Variants in TXNL1 observed in about 807,000 individuals in gnomAD.
TXNL1 encodes the protein thioredoxin like 1, also known as thioredoxin-like protein 1.
TXNL1 carries 14 observed loss-of-function variants against 35.5 expected under a neutral mutation model. That is an observed-to-expected ratio of 0.39 (90% confidence interval 0.26 to 0.62). TXNL1 has a LOEUF of 0.62. Ranked by LOEUF, TXNL1 falls within the 20% of genes least tolerant of loss-of-function variation. The pLI is 0.47. For missense variants in TXNL1, 263 were observed against 349.7 expected, an observed-to-expected ratio of 0.75 and a Z score of 1.98; for synonymous variants, 110 against 115.5, an observed-to-expected ratio of 0.95 and a Z score of 0.31.
chr18:56,616,110 C>T (rs2024081832), intron 5 of TXNL1, 135 bp downstream of exon 5: 7 of 671,908 alleles, frequency 1.0e-5, no homozygotes, highest in Non-Finnish European at 1.6e-5. Context: ...CCAGCCTGGG[C>T]AATAGCACAA....
chr18:56,605,180 A>G (rs2023870193), intron 7 of TXNL1: 1 of 152,196 alleles, frequency 6.6e-6, no homozygotes, highest in Non-Finnish European at 1.5e-5. Context: ...GATTGAGGAA[A>G]CCTAGGTAAC....
rs746349014 is a variant in TXNL1, at chr18:56,638,450, G to C, written c.-10C>G. On this transcript the variant is annotated 5_prime_UTR_variant, in exon 1 of 8. Transcript: ENST00000217515. Reference sequence around the variant, plus strand: ...GCTTCACCCCCACCATCCTCACAGAGAGCCCGGCAGGGTGGCCGCGACGCC... The same window carrying C: ...GCTTCACCCCCACCATCCTCACAGACAGCCCGGCAGGGTGGCCGCGACGCC... 5 of 1,609,292 alleles carry C rather than the reference G, an allele frequency of 3.1e-6. No individual in the cohort carries two copies. Among genetic ancestry groups the C allele is most frequent in the Non-Finnish European group, 4.2e-6 (5 of 1,176,912 alleles).
chr18:56,618,162 T>G, intron 3 of TXNL1, 36 bp from the exon 4 acceptor site: 1 of 1,599,580 alleles, frequency 6.3e-7, no homozygotes, highest in South Asian at 1.1e-5. Context: ...GCAACATATT[T>G]GGATTAGGTA....
chr18:56,634,491 G>A (rs1165221859), intron 1 of TXNL1, among the ~76,000 whole-genome samples: 1 of 152,158 alleles, frequency 6.6e-6, no homozygotes. Context: ...ACAGACTAAG[G>A]AATATGTAAG....
At position 56,626,463 on chromosome 18, in the gene TXNL1, A is replaced by G; in HGVS notation, c.99-6T>C. 1 of 1,597,004 alleles carries G rather than the reference A, an allele frequency of 6.3e-7. No individual in the cohort carries two copies. Among genetic ancestry groups the G allele is most frequent in the South Asian group, 1.1e-5 (1 of 88,418 alleles). On this transcript the variant is annotated splice_polypyrimidine_tract_variant and splice_region_variant and intron_variant, in intron 1 of 7. Transcript: ENST00000217515. ...TCCTCAAACATGGCCCACACCTGTT[A>G]GAAAAGGAAAATTAAGTAAAATAAC...
At chr18:56,603,587 T>C (rs574239979) in intron 7 of TXNL1, among the ~76,000 whole-genome samples, 4 of 152,114 alleles carry the variant, frequency 2.6e-5, no homozygotes, top group Admixed American at 1.3e-4. Flanking sequence ...AAGAGTACTA[T>C]TAAAAATGAA....
At chr18:56,604,647 A>G (rs1297232619) in intron 7 of TXNL1, among the ~76,000 whole-genome samples, 2 of 152,222 alleles carry the variant, frequency 1.3e-5, no homozygotes, top group African/African-American at 4.8e-5. Flanking sequence ...TTGATCTTCT[A>G]TATTAATATG....
At chr18:56,622,712 C>T (rs547908485) in intron 3 of TXNL1, among the ~76,000 whole-genome samples, 222 of 152,220 alleles carry the variant, frequency 1.5e-3, no homozygotes, top group Non-Finnish European at 2.4e-3. Context: ...AGCTAGGCAA[C>T]AAGACTGCTG....
intron 6 of TXNL1, 33 bp from the exon 7 acceptor site, chr18:56,611,130 A>G (rs1258919274): frequency 2.2e-6 from 3 of 1,338,150 alleles, no homozygotes; most frequent in Admixed American, 1.9e-5. Flanking sequence ...TATAATTACA[A>G]TCCTTCTTCA....
intron 1 of TXNL1, among the ~76,000 whole-genome samples, chr18:56,635,638 C>T (rs1295556040): frequency 6.6e-6 from 1 of 152,094 alleles, no homozygotes; most frequent in Non-Finnish European, 1.5e-5. Context: ...TTAATGGGTA[C>T]AGTTTTGTCC....
intron 6 of TXNL1, among the ~76,000 whole-genome samples, chr18:56,612,048 G>C (rs1247033182): frequency 7.8e-6 from 1 of 127,614 alleles, no homozygotes; most frequent in Non-Finnish European, 1.6e-5. Context: ...TTTAAATTTA[G>C]TAGAGACAGG....
intron 1 of TXNL1, among the ~76,000 whole-genome samples, chr18:56,632,927 A>G (rs2024397480): frequency 6.6e-6 from 1 of 152,186 alleles, no homozygotes; most frequent in African/African-American, 2.4e-5. Context: ...GTACTTCAAT[A>G]AACTTCCTTC....
chr18:56,605,963 A>G (rs1291847114), intron 7 of TXNL1, among the ~76,000 whole-genome samples: 1 of 152,246 alleles, frequency 6.6e-6, no homozygotes, highest in African/African-American at 2.4e-5. Context: ...TGAAAATGCT[A>G]AACATTTGAT....
chr18:56,610,300 G>C (rs537749820), intron 7 of TXNL1: 1 of 152,454 alleles, frequency 6.6e-6, no homozygotes, highest in South Asian at 2.1e-4. Context: ...GTATATTTAA[G>C]AGTGACGCTA....
chr18:56,606,203 C>T (rs1254349998), intron 7 of TXNL1, among the ~76,000 whole-genome samples: 1 of 152,058 alleles, frequency 6.6e-6, no homozygotes, highest in Non-Finnish European at 1.5e-5. Context: ...GGTGAAACCC[C>T]GTCTCTACTA....
chr18:56,629,784 T>C (rs1277876802), intron 1 of TXNL1, among the ~76,000 whole-genome samples: 1 of 152,130 alleles, frequency 6.6e-6, no homozygotes, highest in Non-Finnish European at 1.5e-5. Context: ...AATATATCCA[T>C]TCATGAAAAC....
At chr18:56,627,943 G>GA (rs1368354335) in intron 1 of TXNL1, among the ~76,000 whole-genome samples, 1 of 150,376 alleles carries the variant, frequency 6.6e-6, no homozygotes, top group Non-Finnish European at 1.5e-5. Context: ...ATGTCTTTAA[G>GA]AGACTAGGAA....
At chr18:56,610,879 A>G in intron 7 of TXNL1, 114 bp downstream of exon 7, 1 of 667,918 alleles carries the variant, frequency 1.5e-6, no homozygotes, top group Non-Finnish European at 2.4e-6. Flanking sequence ...ATTTCATGAC[A>G]TGATATAATT....
intron 6 of TXNL1, among the ~76,000 whole-genome samples, chr18:56,613,030 G>A (rs978637549): frequency 1.3e-5 from 2 of 151,904 alleles, no homozygotes; most frequent in Admixed American, 1.3e-4. Flanking sequence ...TGTAGAGATG[G>A]GGTTTCACCA....
Sources: gnomAD v4.1 joint callset for allele counts (sites outside exome capture counted in the v4.1 genomes callset) on GRCh38, gnomAD v4.1.1 for gene constraint, MANE v1.5 for transcripts, NCBI Gene and HGNC (gene_info 2026-07-23, HGNC 2026-07-21) for gene names.